FSTL5: variants seen among roughly 807,000 people sequenced by gnomAD.
FSTL5 encodes the protein follistatin-related protein 5.
In FSTL5, 62 loss-of-function variants were observed where a neutral mutation model predicts 89.1. The ratio of observed to expected loss-of-function variants is 0.70; its 90% confidence interval spans 0.57 to 0.86. FSTL5 has a LOEUF of 0.86. Among genes scored for constraint, FSTL5 ranks in the 40% least tolerant of loss-of-function variants. The probability of loss-of-function intolerance (pLI) is 0.00; values close to 1 mark genes in which losing one functional copy is unlikely to be tolerated. For synonymous variants in FSTL5, 383 were observed against 346.2 expected, an observed-to-expected ratio of 1.11 and a Z score of -1.18; for missense variants, 1,057 against 1,001.6, an observed-to-expected ratio of 1.06 and a Z score of -0.75.
chr4:161,980,255 A>AAGG (rs2111045115), intron 3 of FSTL5, among the ~76,000 whole-genome samples: 3 of 41,646 alleles, frequency 7.2e-5, no homozygotes, highest in East Asian at 7.7e-4. Flanking sequence ...AAGAAGGAAG[A>AAGG]AAGAAAAAAG....
intron 7 of FSTL5, among the ~76,000 whole-genome samples, chr4:161,598,707 T>C (rs764446818): frequency 2.6e-5 from 4 of 152,090 alleles, no homozygotes; most frequent in Admixed American, 6.6e-5. Flanking sequence ...GTGACAGACA[T>C]AGCATGGCAA....
chr4:161,921,291 T>C (rs1733989233), intron 3 of FSTL5, among the ~76,000 whole-genome samples: 1 of 152,208 alleles, frequency 6.6e-6, no homozygotes, highest in South Asian at 2.1e-4. Flanking sequence ...ATGCATATCA[T>C]GACTAAATCA....
intron 15 of FSTL5, chr4:161,387,141 C>T (rs1273056993): frequency 6.6e-6 from 1 of 151,866 alleles, no homozygotes; most frequent in East Asian, 1.9e-4. Flanking sequence ...TCAGAGATAC[C>T]TGTGGCAAGT....
At chr4:162,081,187 T>C (rs987093124) in intron 2 of FSTL5, among the ~76,000 whole-genome samples, 9 of 151,540 alleles carry the variant, frequency 5.9e-5, no homozygotes, top group Admixed American at 4.0e-4. Context: ...ATACTAGCAA[T>C]ATGGGGATTT....
chr4:161,545,804 A>G (rs937677585), intron 8 of FSTL5, among the ~76,000 whole-genome samples: 15 of 151,998 alleles, frequency 9.9e-5, no homozygotes, highest in Non-Finnish European at 4.4e-5. Flanking sequence ...AGAACCTATT[A>G]TCTTTATAAT....
chr4:161,667,999 G>C (rs1736960570), intron 6 of FSTL5, among the ~76,000 whole-genome samples: 1 of 151,802 alleles, frequency 6.6e-6, no homozygotes, highest in African/African-American at 2.4e-5. Context: ...TAAATCCAAA[G>C]TATGCAGGGT....
intron 15 of FSTL5, among the ~76,000 whole-genome samples, chr4:161,392,322 G>A (rs1730847439): frequency 6.6e-6 from 1 of 151,846 alleles, no homozygotes; most frequent in African/African-American, 2.4e-5. Context: ...CTGACTCCTG[G>A]GCTCAAGGGA....
intron 2 of FSTL5, among the ~76,000 whole-genome samples, chr4:162,053,948 T>G (rs72980631): frequency 0.029 from 4,469 of 151,810 alleles, 156 homozygotes; most frequent in East Asian, 0.084. Flanking sequence ...CAAATTTTCC[T>G]CATCTCATTT....
chr4:162,077,591 T>C (rs761377761), intron 2 of FSTL5, among the ~76,000 whole-genome samples: 1 of 151,696 alleles, frequency 6.6e-6, no homozygotes, highest in Non-Finnish European at 1.5e-5. Context: ...CACACCAAAA[T>C]ACTTGTAAGA....
At chr4:161,787,637 T>C (rs1741951851) in intron 4 of FSTL5, among the ~76,000 whole-genome samples, 1 of 152,168 alleles carries the variant, frequency 6.6e-6, no homozygotes, top group Non-Finnish European at 1.5e-5. Flanking sequence ...TGCTCTTCTC[T>C]GAAATAAAAA....
intron 3 of FSTL5, among the ~76,000 whole-genome samples, chr4:162,032,184 T>C (rs1411160829): frequency 1.3e-5 from 2 of 152,172 alleles, no homozygotes; most frequent in Non-Finnish European, 2.9e-5. Flanking sequence ...ATTTTTACTA[T>C]AAGTAAAATA....
intron 15 of FSTL5, among the ~76,000 whole-genome samples, chr4:161,433,013 T>C (rs1353052893): frequency 6.6e-6 from 1 of 151,746 alleles, no homozygotes; most frequent in African/African-American, 2.4e-5. Flanking sequence ...AAAGAACTAA[T>C]ACCAACCATA....
chr4:162,150,434 G>T (rs551465886), intron 1 of FSTL5, among the ~76,000 whole-genome samples: 1 of 152,202 alleles, frequency 6.6e-6, no homozygotes, highest in Non-Finnish European at 1.5e-5. Context: ...GTCTAGAAAT[G>T]TGTCTGAGGT....
At chr4:162,034,601 C>G (rs554655957) in intron 2 of FSTL5, among the ~76,000 whole-genome samples, 10 of 152,126 alleles carry the variant, frequency 6.6e-5, no homozygotes, top group Non-Finnish European at 1.3e-4. Context: ...GCACTAACTT[C>G]TCAATTAATA....
chr4:161,510,710 T>TTTATAAGTTAGTTTATAAG (rs1225025988), intron 10 of FSTL5, among the ~76,000 whole-genome samples: 1 of 151,704 alleles, frequency 6.6e-6, no homozygotes, highest in Non-Finnish European at 1.5e-5. Context: ...GAATAGGAAG[T>TTTATAAGTTAGTTTATAAG]TTATAAGTTA....
intron 2 of FSTL5, among the ~76,000 whole-genome samples, chr4:162,090,077 T>C (rs1730486711): frequency 6.6e-6 from 1 of 152,116 alleles, no homozygotes; most frequent in African/African-American, 2.4e-5. Flanking sequence ...CCTTACACCA[T>C]ATACAAAAGT....
At chr4:161,579,166 GATAAT>G (rs2126596603) in intron 8 of FSTL5, among the ~76,000 whole-genome samples, 1 of 152,244 alleles carries the variant, frequency 6.6e-6, no homozygotes, top group Non-Finnish European at 1.5e-5. Flanking sequence ...TTAAATGTTT[GATAAT>G]ATTATTACAA....
At chr4:162,076,377 A>G (rs763828470) in intron 2 of FSTL5, among the ~76,000 whole-genome samples, 3 of 151,934 alleles carry the variant, frequency 2.0e-5, no homozygotes, top group Non-Finnish European at 4.4e-5. Context: ...GAAGATAAAG[A>G]TACTATTTAC....
At chr4:161,490,319 A>C (rs2126468471) in intron 12 of FSTL5, among the ~76,000 whole-genome samples, 1 of 152,262 alleles carries the variant, frequency 6.6e-6, no homozygotes, top group South Asian at 2.1e-4. Flanking sequence ...GAGTTCTGAT[A>C]ACACATGTTG....
Sources: allele counts gnomAD v4.1 joint callset (sites outside exome capture counted in the v4.1 genomes callset), GRCh38; gene constraint gnomAD v4.1.1; transcripts MANE v1.5; gene names NCBI Gene and HGNC (gene_info 2026-07-23, HGNC 2026-07-21).